Variants in CRABP2 observed in about 807,000 individuals in gnomAD.
The protein encoded by CRABP2 is cellular retinoic acid binding protein 2, also known as cellular retinoic acid-binding protein 2.
A neutral mutation model predicts 17.9 loss-of-function variants in CRABP2; 20 were observed. That is an observed-to-expected ratio of 1.12 (90% CI 0.79 to 1.63). The LOEUF is 1.63. CRABP2 is among the 40% of genes most tolerant of loss of function. The pLI, the probability that CRABP2 is intolerant of heterozygous loss-of-function variation, is 0.00. For synonymous variants in CRABP2, 76 were observed against 66.4 expected, an observed-to-expected ratio of 1.14 and a Z score of -0.70; for missense variants, 151 against 168.6, an observed-to-expected ratio of 0.90 and a Z score of 0.58.
intron 1 of CRABP2, among the ~76,000 whole-genome samples, chr1:156,702,598 C>A (rs1340717255): frequency 6.6e-6 from 1 of 151,698 alleles, no homozygotes; most frequent in Non-Finnish European, 1.5e-5. Flanking sequence ...CGTGGAGAAA[C>A]CTCATCTCCA....
rs1647965705 is a variant in CRABP2 at position 156,699,641 on chromosome 1, A to C, written c.*385T>G. The stretch of plus-strand genomic sequence containing the variant: ...TTAAAGCATTTTAATAAAATTAACA[A>C]ATAAATATTCTAAACTGTATAGGCT... On this transcript the variant is annotated 3_prime_UTR_variant, in exon 4 of 4. Coordinates refer to ENST00000368222, the MANE Select transcript of CRABP2 (RefSeq NM_001878.4). 5.6e-6 allele frequency: 1 copy of C among 177,458 alleles called. No individual in the cohort carries two copies. Among genetic ancestry groups the C allele is most frequent in the South Asian group, 1.9e-4 (1 of 5,154 alleles). The allele number at this position is 177,458 out of a possible 1,614,324, so 11.0% of individuals were successfully genotyped here. A position where few individuals can be genotyped will look rare whatever the true frequency, so the allele number is the denominator to read the frequency against.
Position 156,700,617 on chromosome 1 carries a change from C to T in CRABP2, c.291G>A (p.Glu97=). ...KWESENKMVC[E]QKLLKGEGPK... ...GGCCCTCTCCCTTCAGGAGCTTCTGCTCACAGACCATTTTATTCTCACTCT... is the reference window on the plus strand; with the variant it reads ...GGCCCTCTCCCTTCAGGAGCTTCTGTTCACAGACCATTTTATTCTCACTCT... The change falls in exon 3 of 4, where the codon GAG becomes GAA. Residue 97 remains glutamate, a synonymous_variant. Coordinates refer to ENST00000368222, the MANE Select transcript of CRABP2 (RefSeq NM_001878.4). 6.2e-7 allele frequency: 1 copy of T among 1,614,172 alleles called. No homozygotes were observed. Among genetic ancestry groups the T allele is most frequent in the South Asian group, 1.1e-5 (1 of 91,086 alleles).
intron 1 of CRABP2, among the ~76,000 whole-genome samples, chr1:156,702,386 G>C (rs549868379): frequency 7.4e-4 from 112 of 152,212 alleles, no homozygotes; most frequent in African/African-American, 2.6e-3. Flanking sequence ...GAATCCGGGA[G>C]GCGGAGGTTG....
At chr1:156,703,613 C>A (rs1648104363) in intron 1 of CRABP2, among the ~76,000 whole-genome samples, 1 of 152,152 alleles carries the variant, frequency 6.6e-6, no homozygotes, top group Non-Finnish European at 1.5e-5. Flanking sequence ...TCCTCTTTCC[C>A]CTCAGTGCCA....
At position 156,700,621 on chromosome 1, in the gene CRABP2, C is replaced by T. The variant is rs763382041; in HGVS notation, c.287G>A (p.Cys96Tyr). The T allele has an allele frequency of 1.2e-6, 2 of 1,614,198 alleles. No individual in the cohort carries two copies. The highest frequency in any genetic ancestry group is 1.7e-6 in the Non-Finnish European group (2 of 1,180,020). Reference protein sequence around the residue: ...VKWESENKMVCEQKLLKGEGP... With the variant: ...VKWESENKMVYEQKLLKGEGP... ...CTCTCCCTTCAGGAGCTTCTGCTCA[C>T]AGACCATTTTATTCTCACTCTCCCA... The change falls in exon 3 of 4, where the codon TGT (cysteine) becomes TAT (tyrosine). Residue 96 changes from cysteine to tyrosine, a missense_variant. Physicochemically the swap from Cys to Tyr is radical, Grantham distance 194. Coordinates refer to ENST00000368222, the MANE Select transcript of CRABP2 (RefSeq NM_001878.4).
intron 1 of CRABP2, among the ~76,000 whole-genome samples, chr1:156,703,655 A>T (rs1648105689): frequency 6.6e-6 from 1 of 152,034 alleles, no homozygotes; most frequent in Non-Finnish European, 1.5e-5. Context: ...AACAGAAGAG[A>T]GAGGGAGAGA....
Position 156,701,031 on chromosome 1 carries a change from T to A in CRABP2, c.92A>T (p.Lys31Met). ...CTTGGACGCTGCAGCCACAGCAATC[T>A]TCCTCAGCATCACATTCACCCCTGT... ...KVLGVNVMLR[K>M]IAVAAASKPA... The change falls in exon 2 of 4, where the codon AAG becomes ATG. Residue 31 changes from lysine to methionine, a missense_variant. Lys to Met is a moderately conservative substitution (Grantham distance 95, BLOSUM62 -1). Transcript: ENST00000368222. 1 of 1,614,158 alleles carries A rather than the reference T, an allele frequency of 6.2e-7. No homozygotes were observed. Among genetic ancestry groups the A allele is most frequent in the African/African-American group, 1.3e-5 (1 of 75,044 alleles).
chr1:156,700,849 C>T (rs1448038685), intron 2 of CRABP2, 25 bp downstream of exon 2: 1 of 1,608,662 alleles, frequency 6.2e-7, no homozygotes, highest in Non-Finnish European at 8.5e-7. Flanking sequence ...GACGCCATGA[C>T]CCTGGAGCCC....
chr1:156,701,229 G>A (rs565056073), intron 1 of CRABP2, among the ~76,000 whole-genome samples, 177 bp from the exon 2 acceptor site: 50 of 152,198 alleles, frequency 3.3e-4, no homozygotes, highest in African/African-American at 1.2e-3. Flanking sequence ...GACGGTAGGC[G>A]GTGCAGCCCT....
chr1:156,700,426 G>T, intron 3 of CRABP2, 116 bp downstream of exon 3: 1 of 801,074 alleles, frequency 1.2e-6, no homozygotes, highest in Non-Finnish European at 2.2e-6. Flanking sequence ...AGTCCCATCA[G>T]CAGGGTGCGG....
intron 1 of CRABP2, among the ~76,000 whole-genome samples, chr1:156,703,557 C>A (rs968024403): frequency 6.6e-6 from 1 of 152,122 alleles, no homozygotes; most frequent in Non-Finnish European, 1.5e-5. Context: ...CCTGATCTGG[C>A]CAACTCCCTG....
chr1:156,700,605 C>T lies in CRABP2; in HGVS notation c.303G>A (p.Leu101=). ...ENKMVCEQKL[L]KGEGPKTSWT... ...ACGAGGTCTTGGGGCCCTCTCCCTT[C>T]AGGAGCTTCTGCTCACAGACCATTT... Residue 101 remains leucine (L), a synonymous_variant, in exon 3 of 4, where the codon CTG becomes CTA. Coordinates refer to ENST00000368222, the MANE Select transcript of CRABP2 (RefSeq NM_001878.4). 6.2e-6 allele frequency: 10 copies of T among 1,614,206 alleles called. No homozygotes were observed. The highest frequency in any genetic ancestry group is 8.5e-6 in the Non-Finnish European group (10 of 1,180,036).
rs2102606889 is a variant in CRABP2 at position 156,705,102 on chromosome 1, C to G, written c.70+275G>C. Among the ~76,000 whole-genome samples the G allele has an allele frequency of 6.6e-6, 1 of 152,338 alleles. No homozygotes were observed. The highest frequency in any genetic ancestry group is 2.4e-5 in the African/African-American group (1 of 41,578). On this transcript the variant is annotated intron_variant, in intron 1 of 3. Coordinates refer to ENST00000368222, the MANE Select transcript of CRABP2 (RefSeq NM_001878.4). This position sits in a 1 kb window ranked among gnomAD's most constrained non-coding sequence, Gnocchi z 5.2. ...AGTCCGGCCGCTGAGGCCAGCCTCC[C>G]CTTCCCCCAGAGGCCAACCTCGCGC... is the stretch of plus-strand genomic sequence containing the variant.
intron 1 of CRABP2, among the ~76,000 whole-genome samples, chr1:156,704,000 A>G (rs1648119811): frequency 6.6e-6 from 1 of 152,196 alleles, no homozygotes; most frequent in African/African-American, 2.4e-5. Context: ...GAGGACAAAC[A>G]GACTGAAGAC....
intron 1 of CRABP2, among the ~76,000 whole-genome samples, chr1:156,701,741 C>T (rs1273108561): frequency 1.3e-5 from 2 of 152,140 alleles, no homozygotes; most frequent in African/African-American, 4.8e-5. Flanking sequence ...CTGTGATTTC[C>T]TCCTGGCTCA....
In CRABP2 at chr1:156,705,557, G is replaced by A; in HGVS notation, c.-111C>T. 8.1e-7 allele frequency: 1 copy of A among 1,228,800 alleles called. No homozygotes were observed. The allele number at this position is 1,228,800 out of a possible 1,614,324, so 76.1% of individuals were successfully genotyped here. On this transcript the variant is annotated 5_prime_UTR_variant, in exon 1 of 4. Transcript: ENST00000368222. This position sits in a 1 kb window ranked among gnomAD's most constrained non-coding sequence, Gnocchi z 5.2. The stretch of plus-strand genomic sequence containing the variant: ...CCGGGTCGTCAGGTTCTGGAACCAA[G>A]ACAAGTCCAGGGACAACCCCAAAGC...
In CRABP2 at chr1:156,700,565, T is replaced by C. The variant is rs573327208; in HGVS notation, c.343A>G (p.Thr115Ala). The change falls in exon 3 of 4, where the codon ACC (threonine) becomes GCC (alanine). Residue 115 changes from threonine to alanine, a missense_variant. Coordinates refer to ENST00000368222, the MANE Select transcript of CRABP2 (RefSeq NM_001878.4). ...GPKTSWTREL[T>A]NDGELILTMT... ...ACCAGGATCAGTTCCCCATCGTTGGTCAGTTCTCTGGTCCACGAGGTCTTG... is the reference window on the plus strand; with the variant it reads ...ACCAGGATCAGTTCCCCATCGTTGGCCAGTTCTCTGGTCCACGAGGTCTTG... The C allele has an allele frequency of 2.5e-6, 4 of 1,613,992 alleles. No individual in the cohort carries two copies. In the South Asian group the frequency reaches 4.4e-5, roughly 18 times the overall value.
Position 156,699,827 on chromosome 1 carries a change from T to A in CRABP2, c.*199A>T. On this transcript the variant is annotated 3_prime_UTR_variant, in exon 4 of 4. Coordinates refer to ENST00000368222, the MANE Select transcript of CRABP2 (RefSeq NM_001878.4). ...GGGTGATCTGGGCTCTTGCAGCCATTCCTCTTTGTTGGTGTAGGGGAGGAG... is the reference window on the plus strand; with the variant it reads ...GGGTGATCTGGGCTCTTGCAGCCATACCTCTTTGTTGGTGTAGGGGAGGAG... 1.8e-6 allele frequency: 1 copy of A among 565,576 alleles called. No individual in the cohort carries two copies. Among genetic ancestry groups the A allele is most frequent in the Admixed American group, 3.0e-5 (1 of 33,060 alleles). The allele number at this position is 565,576 out of a possible 1,614,324, so 35.0% of individuals were successfully genotyped here.
In CRABP2 at chr1:156,701,048, C is replaced by T; in HGVS notation, c.75G>A (p.Val25=). The change falls in exon 2 of 4, where the codon GTG becomes GTA. Residue 25 remains valine, a synonymous_variant. Transcript: ENST00000368222. ...NFEELLKVLG[V]NVMLRKIAVA... is the part of the protein sequence containing the mutation. ...CAGCAATCTTCCTCAGCATCACATTCACCCCTGTGGGGAGAGAGGAGAGGC... is the reference window on the plus strand; with the variant it reads ...CAGCAATCTTCCTCAGCATCACATTTACCCCTGTGGGGAGAGAGGAGAGGC... 6.2e-7 allele frequency: 1 copy of T among 1,613,986 alleles called. No individual in the cohort carries two copies. The highest frequency in any genetic ancestry group is 1.3e-5 in the African/African-American group (1 of 75,062).
Sources: allele counts gnomAD v4.1 joint callset (sites outside exome capture counted in the v4.1 genomes callset), GRCh38; gene constraint gnomAD v4.1.1; non-coding constraint Gnocchi (gnomAD v3.1); transcripts MANE v1.5; gene names NCBI Gene and HGNC (gene_info 2026-07-23, HGNC 2026-07-21).